The following ADAMTS12 variants were observed in gnomAD, a reference collection of about 807,000 sequenced individuals.
ADAMTS12 encodes the protein A disintegrin and metalloproteinase with thrombospondin motifs 12.
A neutral mutation model predicts 167.8 loss-of-function variants in ADAMTS12; 118 were observed. That is an observed-to-expected ratio of 0.70 (90% CI 0.61 to 0.82). ADAMTS12 has a LOEUF of 0.82. Among genes scored for constraint, ADAMTS12 ranks in the 40% least tolerant of loss-of-function variants. The probability of loss-of-function intolerance (pLI) is 0.00; values close to 1 mark genes in which losing one functional copy is unlikely to be tolerated. For synonymous variants in ADAMTS12, 704 were observed against 716.9 expected (o/e 0.98, Z 0.29); for missense variants, 1,916 against 1,998.8 (o/e 0.96, Z 0.79).
chr5:33,562,916 G>A (rs1329188978), intron 19 of ADAMTS12, among the ~76,000 whole-genome samples: 2 of 152,004 alleles, frequency 1.3e-5, no homozygotes, highest in Admixed American at 1.3e-4. Flanking sequence ...ACAGGCATGA[G>A]TCACCACGCC....
intron 3 of ADAMTS12, among the ~76,000 whole-genome samples, chr5:33,748,340 T>C (rs1744864301): frequency 6.6e-6 from 1 of 152,202 alleles, no homozygotes; most frequent in Non-Finnish European, 1.5e-5. Context: ...CCATAGATTC[T>C]AGAAAGTCGA....
intron 3 of ADAMTS12, among the ~76,000 whole-genome samples, chr5:33,714,247 G>A (rs935541920): frequency 6.6e-6 from 1 of 152,018 alleles, no homozygotes. Flanking sequence ...AGTTAGGAAG[G>A]CTATTGTCAA....
chr5:33,782,727 GA>G (rs1248536390), intron 2 of ADAMTS12, among the ~76,000 whole-genome samples: 3 of 151,860 alleles, frequency 2.0e-5, no homozygotes, highest in Admixed American at 2.0e-4. Flanking sequence ...TAAATATATC[GA>G]GAAGATATAG....
intron 16 of ADAMTS12, among the ~76,000 whole-genome samples, chr5:33,601,544 A>G (rs1738189991): frequency 6.6e-6 from 1 of 152,004 alleles, no homozygotes; most frequent in Non-Finnish European, 1.5e-5. Flanking sequence ...AGCGAACTCA[A>G]CTCATCCAAT....
At chr5:33,549,106 A>C in intron 21 of ADAMTS12, 101 bp downstream of exon 21, 1 of 1,408,088 alleles carries the variant, frequency 7.1e-7, no homozygotes, top group Non-Finnish European at 9.6e-7. Context: ...TTGGCAGGAC[A>C]CAGGTGTGGT....
rs143329579 is a variant in ADAMTS12, at chr5:33,812,893, T to C, written c.490-61345A>G. ...TCTGTCCTGGGTATATATCCATATA[T>C]ACATATGTCTAATGCATCTTTTCAT... On this transcript the variant is annotated intron_variant, in intron 2 of 23. Transcript: ENST00000504830. Among the ~76,000 whole-genome samples, 930 of 152,304 alleles carry C rather than the reference T, an allele frequency of 6.1e-3. 8 individuals are homozygous for C. The highest frequency in any genetic ancestry group is 0.021 in the African/African-American group (889 of 41,564).
chr5:33,673,744 C>T (rs534345714), intron 5 of ADAMTS12, among the ~76,000 whole-genome samples: 6 of 152,288 alleles, frequency 3.9e-5, no homozygotes, highest in South Asian at 2.1e-4. Flanking sequence ...TGCAACCTCA[C>T]GGTTTATGCT....
chr5:33,689,011 A>T (rs964504111), intron 3 of ADAMTS12, among the ~76,000 whole-genome samples: 2 of 152,086 alleles, frequency 1.3e-5, no homozygotes, highest in African/African-American at 2.4e-5. Context: ...GACAAATGAG[A>T]CCCAGTACCC....
chr5:33,672,165 A>C (rs755660115), intron 5 of ADAMTS12, among the ~76,000 whole-genome samples: 3 of 150,780 alleles, frequency 2.0e-5, no homozygotes, highest in Non-Finnish European at 4.4e-5. Flanking sequence ...ATACTCACAT[A>C]CACACATACA....
rs202193537 is a variant in ADAMTS12 at position 33,871,616 on chromosome 5, G to GA, written c.489+9502dup. 7.3e-5 allele frequency among the ~76,000 whole-genome samples: 11 copies of GA among 151,296 alleles called. No individual in the cohort carries two copies. In the East Asian group the frequency reaches 1.6e-3, roughly 21 times the overall value. On this transcript the variant is annotated intron_variant, in intron 2 of 23. Transcript: ENST00000504830. Reference sequence around the variant, plus strand: ...AAAAAGAGCACATTAGATTCAATGAGAAAAAAAACTAGTAAAAATTAGAGC... The same window carrying GA: ...AAAAAGAGCACATTAGATTCAATGAGAAAAAAAAACTAGTAAAAATTAGAGC...
chr5:33,583,143 G>A (rs146575159), intron 18 of ADAMTS12, among the ~76,000 whole-genome samples: 259 of 151,536 alleles, frequency 1.7e-3, no homozygotes, highest in Middle Eastern at 3.4e-3. Flanking sequence ...GCAAACTCTC[G>A]CTACTGTTTC....
chr5:33,813,593 G>C (rs1244095125), intron 2 of ADAMTS12, among the ~76,000 whole-genome samples: 1 of 152,158 alleles, frequency 6.6e-6, no homozygotes, highest in Non-Finnish European at 1.5e-5. Flanking sequence ...CCTTGAAGAG[G>C]GCTGACAGCT....
At chr5:33,718,640 A>T (rs1308636652) in intron 3 of ADAMTS12, among the ~76,000 whole-genome samples, 1 of 152,176 alleles carries the variant, frequency 6.6e-6, no homozygotes, top group African/African-American at 2.4e-5. Context: ...GCTGCTGTAA[A>T]GAATAGATGG....
intron 2 of ADAMTS12, among the ~76,000 whole-genome samples, chr5:33,841,776 G>C (rs1263952662): frequency 6.6e-6 from 1 of 152,224 alleles, no homozygotes; most frequent in Non-Finnish European, 1.5e-5. Context: ...CGCAATGCAA[G>C]AAGGAGCATT....
chr5:33,616,235 C>T (rs1035644703), intron 14 of ADAMTS12, among the ~76,000 whole-genome samples, 163 bp from the exon 15 acceptor site: 1 of 152,152 alleles, frequency 6.6e-6, no homozygotes, highest in Admixed American at 6.5e-5. Context: ...GGGGGATTTT[C>T]GAGAACTTGG....
intron 2 of ADAMTS12, among the ~76,000 whole-genome samples, chr5:33,805,549 T>C (rs976262953): frequency 2.6e-5 from 4 of 152,204 alleles, no homozygotes; most frequent in Admixed American, 2.6e-4. Context: ...AATGTGGCAG[T>C]GGCTGTGCTG....
chr5:33,872,645 T>A (rs1353729937), intron 2 of ADAMTS12, among the ~76,000 whole-genome samples: 1 of 151,952 alleles, frequency 6.6e-6, no homozygotes, highest in Admixed American at 6.6e-5. Context: ...AACCCAACAA[T>A]GTATAAGAAG....
intron 11 of ADAMTS12, among the ~76,000 whole-genome samples, chr5:33,641,463 C>G (rs1163213866): frequency 6.6e-6 from 1 of 152,198 alleles, no homozygotes; most frequent in Non-Finnish European, 1.5e-5. Context: ...CTAATCTCTA[C>G]TGATAAAATT....
At chr5:33,856,126 A>G (rs929797104) in intron 2 of ADAMTS12, among the ~76,000 whole-genome samples, 8 of 152,340 alleles carry the variant, frequency 5.3e-5, no homozygotes, top group Admixed American at 2.6e-4. Context: ...ATTTCGAGAA[A>G]TAGACACAGA....
Sources: allele counts gnomAD v4.1 joint callset (sites outside exome capture counted in the v4.1 genomes callset), GRCh38; gene constraint gnomAD v4.1.1; transcripts MANE v1.5; gene names NCBI Gene and HGNC (gene_info 2026-07-23, HGNC 2026-07-21).